The following VEPH1 variants were observed in gnomAD, a reference collection of about 807,000 sequenced individuals.
VEPH1 encodes ventricular zone-expressed PH domain-containing protein homolog 1.
In VEPH1, 80 loss-of-function variants were observed where a neutral mutation model predicts 85.2. The observed-to-expected ratio is 0.94, with a 90% CI of 0.78 to 1.13. The LOEUF is 1.13. Among genes scored for constraint, VEPH1 ranks in the 50% most tolerant of loss-of-function variants. The pLI is 0.00. For synonymous variants in VEPH1, 297 were observed against 348.0 expected (o/e 0.85, Z 1.63); for missense variants, 955 against 980.5 (o/e 0.97, Z 0.35).
chr3:157,324,254 C>T (rs1338197516), intron 9 of VEPH1, among the ~76,000 whole-genome samples: 2 of 152,084 alleles, frequency 1.3e-5, no homozygotes, highest in Non-Finnish European at 2.9e-5. Context: ...GATGGGGTTT[C>T]ACCATGTTGG....
intron 4 of VEPH1, among the ~76,000 whole-genome samples, chr3:157,429,540 G>A (rs1732989429): frequency 6.6e-6 from 1 of 152,176 alleles, no homozygotes; most frequent in Non-Finnish European, 1.5e-5. Flanking sequence ...AATAAAAAAT[G>A]AGAATTGTTT....
At chr3:157,326,651 G>C (rs1721937339) in intron 9 of VEPH1, among the ~76,000 whole-genome samples, 2 of 152,176 alleles carry the variant, frequency 1.3e-5, no homozygotes, top group African/African-American at 4.8e-5. Flanking sequence ...TTTAGTTCTG[G>C]CAAGGAAAAT....
At position 157,495,224 on chromosome 3, in the gene VEPH1, A is replaced by C. The variant is rs1739564407; in HGVS notation, c.126T>G (p.Ile42Met). The C allele has an allele frequency of 1.9e-6, 3 of 1,613,928 alleles. No individual in the cohort carries two copies. Reference sequence around the variant, plus strand: ...CCAGTTTACTTACTGAAGATGAGCTAATTATCTTAATTTGCTCCAAAGCTT... The same window carrying C: ...CCAGTTTACTTACTGAAGATGAGCTCATTATCTTAATTTGCTCCAAAGCTT... Reference protein sequence around the residue: ...LTEALEQIKIISSSSDYQTNN... With the variant: ...LTEALEQIKIMSSSSDYQTNN... Residue 42 changes from isoleucine to methionine, a missense_variant, in exon 2 of 14, where the codon ATT becomes ATG. Coordinates refer to ENST00000362010, the MANE Select transcript of VEPH1 (RefSeq NM_001167912.2).
chr3:157,306,029 CT>C (rs2108485138), intron 11 of VEPH1, among the ~76,000 whole-genome samples: 1 of 152,144 alleles, frequency 6.6e-6, no homozygotes, highest in Admixed American at 6.5e-5. Flanking sequence ...GTAGTCAAAC[CT>C]ACCAATTCTT....
intron 6 of VEPH1, among the ~76,000 whole-genome samples, chr3:157,395,928 T>C (rs1336463219): frequency 6.6e-6 from 1 of 152,202 alleles, no homozygotes; most frequent in Non-Finnish European, 1.5e-5. Flanking sequence ...CAATTTTCTT[T>C]TAAATTTAAT....
intron 4 of VEPH1, among the ~76,000 whole-genome samples, chr3:157,440,678 A>G (rs1734049600): frequency 6.6e-6 from 1 of 151,966 alleles, no homozygotes; most frequent in Admixed American, 6.6e-5. Context: ...ATATACGTAT[A>G]CATACATATA....
chr3:157,365,721 G>C (rs1726603959), intron 7 of VEPH1, among the ~76,000 whole-genome samples: 1 of 152,036 alleles, frequency 6.6e-6, no homozygotes, highest in African/African-American at 2.4e-5. Context: ...TTATTATAAA[G>C]GATACAACTC....
chr3:157,372,231 A>C (rs1417070853), intron 7 of VEPH1, among the ~76,000 whole-genome samples: 1 of 152,210 alleles, frequency 6.6e-6, no homozygotes, highest in African/African-American at 2.4e-5. Flanking sequence ...CATAGTCTTC[A>C]TCTCAAATAT....
chr3:157,499,268 TTGGCAGGTA>T (rs1739914687), intron 1 of VEPH1: 1 of 121,288 alleles, frequency 8.2e-6, no homozygotes. Context: ...TTTTTTTTTT[TTGGCAGGTA>T]TTTGCTGGCG....
chr3:157,371,694 A>G (rs1346756705), intron 7 of VEPH1, among the ~76,000 whole-genome samples: 1 of 152,254 alleles, frequency 6.6e-6, no homozygotes, highest in Non-Finnish European at 1.5e-5. Flanking sequence ...CTTTTTCCTC[A>G]AGCAAGGCTG....
chr3:157,428,192 G>T, intron 5 of VEPH1, 130 bp downstream of exon 5: 1 of 907,532 alleles, frequency 1.1e-6, no homozygotes, highest in Non-Finnish European at 1.6e-6. Context: ...GTAAGTAGAT[G>T]AGCGCTTTCA....
chr3:157,483,061 T>C (rs185255877), intron 2 of VEPH1, among the ~76,000 whole-genome samples: 2 of 152,100 alleles, frequency 1.3e-5, no homozygotes, highest in East Asian at 3.9e-4. Flanking sequence ...AGTCATATTC[T>C]ACATTGGCAT....
At chr3:157,395,456 C>G (rs747812690) in intron 6 of VEPH1, among the ~76,000 whole-genome samples, 1 of 152,142 alleles carries the variant, frequency 6.6e-6, no homozygotes, top group African/African-American at 2.4e-5. Flanking sequence ...TTGCTGAGCC[C>G]ATGAATAACC....
At chr3:157,332,093 G>C (rs1176122378) in intron 9 of VEPH1, among the ~76,000 whole-genome samples, 1 of 152,158 alleles carries the variant, frequency 6.6e-6, no homozygotes, top group East Asian at 1.9e-4. Flanking sequence ...GCTACTGCTG[G>C]CATAGAAGGG....
chr3:157,424,319 T>C (rs567131775), intron 5 of VEPH1, among the ~76,000 whole-genome samples: 1 of 152,304 alleles, frequency 6.6e-6, no homozygotes, highest in Non-Finnish European at 1.5e-5. Context: ...AACCTCTTTT[T>C]CTTCCCAGTC....
chr3:157,415,144 A>G (rs1196287106), intron 5 of VEPH1: 1 of 152,162 alleles, frequency 6.6e-6, no homozygotes, highest in Non-Finnish European at 1.5e-5. Flanking sequence ...CTGTTATCCA[A>G]GCAATCATCA....
intron 4 of VEPH1, among the ~76,000 whole-genome samples, chr3:157,432,069 C>G (rs1733206337): frequency 6.6e-6 from 1 of 151,836 alleles, no homozygotes; most frequent in Non-Finnish European, 1.5e-5. Context: ...AGGCTGGTCT[C>G]AAACTCCTGA....
At chr3:157,369,190 A>AAAAAC (rs1727161161) in intron 7 of VEPH1, among the ~76,000 whole-genome samples, 3 of 145,272 alleles carry the variant, frequency 2.1e-5, no homozygotes, top group Non-Finnish European at 3.0e-5. Context: ...GAAAAAAAAA[A>AAAAAC]AAAAAAAAAA....
intron 6 of VEPH1, among the ~76,000 whole-genome samples, chr3:157,382,083 CGG>C (rs1225326107): frequency 6.6e-6 from 1 of 152,146 alleles, no homozygotes; most frequent in Non-Finnish European, 1.5e-5. Context: ...ATCTGTCTGT[CGG>C]GGTGATGGTT....
Sources: allele counts gnomAD v4.1 joint callset (sites outside exome capture counted in the v4.1 genomes callset), GRCh38; gene constraint gnomAD v4.1.1; transcripts MANE v1.5; gene names NCBI Gene and HGNC (gene_info 2026-07-23, HGNC 2026-07-21).